The following TEX2 variants were observed in gnomAD, a reference collection of about 807,000 sequenced individuals.
TEX2 encodes testis-expressed protein 2.
Under a neutral mutation model 106.9 loss-of-function variants are expected in TEX2, and 53 were observed. That is an observed-to-expected ratio of 0.50 (90% CI 0.40 to 0.62). The LOEUF (loss-of-function observed/expected upper bound fraction) is 0.62. Ranked by LOEUF, TEX2 falls within the 20% of genes least tolerant of loss-of-function variation. TEX2 has a pLI of 0.00. For missense variants in TEX2, 1,207 were observed against 1,379.0 expected (o/e 0.88, Z 1.98); for synonymous variants, 523 against 534.8 (o/e 0.98, Z 0.30).
chr17:64,231,132 A>G (rs2033645167), intron 1 of TEX2, among the ~76,000 whole-genome samples: 1 of 152,200 alleles, frequency 6.6e-6, no homozygotes, highest in Non-Finnish European at 1.5e-5. Flanking sequence ...GCACCAGAGG[A>G]CAGGCATCAA....
At chr17:64,212,143 C>G (rs2033020379) in intron 2 of TEX2, among the ~76,000 whole-genome samples, 2 of 152,220 alleles carry the variant, frequency 1.3e-5, no homozygotes, top group Admixed American at 1.3e-4. Context: ...GGAGCACCAG[C>G]AGGGGCCAAC....
In TEX2 at chr17:64,216,340, T is replaced by G. The variant is rs188748937; in HGVS notation, c.-25-2098A>C. 3.3e-5 allele frequency among the ~76,000 whole-genome samples: 5 copies of G among 152,338 alleles called. No individual in the cohort carries two copies. The East Asian group carries it at 9.6e-4, about 29-fold the overall frequency. On this transcript the variant is annotated intron_variant, in intron 1 of 11. Transcript: ENST00000584379. ...TAAAAAGAAAATTATAGAGGTAATT[T>G]AAAAAGAAAAGTTTGGTATTTGATA...
chr17:64,234,361 G>A (rs2033721813), intron 1 of TEX2, among the ~76,000 whole-genome samples: 1 of 152,196 alleles, frequency 6.6e-6, no homozygotes, highest in African/African-American at 2.4e-5. Flanking sequence ...GCAGTATCCT[G>A]TCTTTCCAGA....
chr17:64,215,106 T>C (rs1331718136), intron 1 of TEX2, among the ~76,000 whole-genome samples: 1 of 152,178 alleles, frequency 6.6e-6, no homozygotes, highest in Non-Finnish European at 1.5e-5. Flanking sequence ...TTCTGGAGCT[T>C]AGCTGGAACG....
At chr17:64,200,514 C>A (rs1297270419) in intron 2 of TEX2, among the ~76,000 whole-genome samples, 6 of 152,220 alleles carry the variant, frequency 3.9e-5, no homozygotes, top group African/African-American at 1.4e-4. Context: ...TGTGTGCTCG[C>A]TCACACATGG....
At chr17:64,194,741 C>T (rs888049345) in intron 3 of TEX2, among the ~76,000 whole-genome samples, 154 bp downstream of exon 3, 8 of 152,160 alleles carry the variant, frequency 5.3e-5, no homozygotes, top group Non-Finnish European at 1.5e-5. Context: ...AGGTGATGTG[C>T]ATAAACTTTA....
At chr17:64,247,493 T>C (rs1305908857) in intron 1 of TEX2, among the ~76,000 whole-genome samples, 6 of 151,762 alleles carry the variant, frequency 4.0e-5, no homozygotes, top group African/African-American at 1.4e-4. Context: ...TCAAAGGTCT[T>C]CTAGGATTTG....
chr17:64,228,612 G>A (rs1473021703), intron 1 of TEX2, among the ~76,000 whole-genome samples: 2 of 152,172 alleles, frequency 1.3e-5, no homozygotes, highest in Non-Finnish European at 2.9e-5. Flanking sequence ...TCATGCGAGG[G>A]ATGGAAAGGG....
intron 1 of TEX2, among the ~76,000 whole-genome samples, chr17:64,258,749 T>C (rs2034232679): frequency 7.3e-6 from 1 of 137,026 alleles, no homozygotes; most frequent in African/African-American, 2.7e-5. Flanking sequence ...CAACTCTTCA[T>C]TTTGGAAGAG....
rs527622157 is a variant in TEX2, at chr17:64,195,589, T to C, written c.1645-494A>G. Among the ~76,000 whole-genome samples the C allele has an allele frequency of 6.6e-6, 1 of 152,356 alleles. No homozygotes were observed. Among genetic ancestry groups the C allele is most frequent in the South Asian group, 2.1e-4 (1 of 4,830 alleles). ...TCCACTTCTGTTGCACTACAATATG[T>C]ACCTCATTGAAACCATGCAGTAAAG... is the stretch of plus-strand genomic sequence containing the variant. On this transcript the variant is annotated intron_variant, in intron 2 of 11. Coordinates refer to ENST00000584379, the MANE Select transcript of TEX2 (RefSeq NM_001288732.2). This position sits in a 1 kb window ranked among gnomAD's most constrained non-coding sequence, Gnocchi z 4.1.
chr17:64,196,697 G>A (rs531752538), intron 2 of TEX2, among the ~76,000 whole-genome samples: 1 of 152,318 alleles, frequency 6.6e-6, no homozygotes, highest in South Asian at 2.1e-4. Context: ...TTTGCTAAAT[G>A]TAGAACTAAG....
intron 5 of TEX2, among the ~76,000 whole-genome samples, chr17:64,181,720 TAGTC>T (rs2031872674): frequency 6.6e-6 from 1 of 151,800 alleles, no homozygotes; most frequent in Non-Finnish European, 1.5e-5. Context: ...TTCTCCATGG[TAGTC>T]AGGCTGGTCT....
Position 64,215,967 on chromosome 17 carries a change from C to T in TEX2, c.-25-1725G>A, listed in dbSNP as rs564333984. On this transcript the variant is annotated intron_variant, in intron 1 of 11. Coordinates refer to ENST00000584379, the MANE Select transcript of TEX2 (RefSeq NM_001288732.2). The stretch of plus-strand genomic sequence containing the variant: ...AATATTCCAAGGATGACAAGAATTA[C>T]ATTCAAGGGCCCAGCTGCAACATGG... 8.1e-4 allele frequency among the ~76,000 whole-genome samples: 124 copies of T among 152,316 alleles called. 5 individuals are homozygous for T. The South Asian group carries it at 0.025, about 31-fold the overall frequency.
At chr17:64,190,386 T>C (rs2032251211) in intron 4 of TEX2, among the ~76,000 whole-genome samples, 1 of 151,822 alleles carries the variant, frequency 6.6e-6, no homozygotes, top group Admixed American at 6.6e-5. Flanking sequence ...TAGTTAATAG[T>C]AAAAAAGAGA....
chr17:64,216,041 T>A (rs1372565042), intron 1 of TEX2, among the ~76,000 whole-genome samples: 1 of 152,214 alleles, frequency 6.6e-6, no homozygotes, highest in Non-Finnish European at 1.5e-5. Context: ...TGAGAGAAGT[T>A]ACCGTAAAAA....
chr17:64,252,613 G>C (rs1490350214), intron 1 of TEX2, among the ~76,000 whole-genome samples: 1 of 152,138 alleles, frequency 6.6e-6, no homozygotes, highest in Non-Finnish European at 1.5e-5. Flanking sequence ...ACTGTGCTCA[G>C]CCATATAACC....
rs116652389 is a variant in TEX2, at chr17:64,239,016, T to C, written c.-26+24152A>G. On this transcript the variant is annotated intron_variant, in intron 1 of 11. Coordinates refer to ENST00000584379, the MANE Select transcript of TEX2 (RefSeq NM_001288732.2). ...ACTTCAAGACACCCCTCATTTAATC[T>C]TCATGGCCCTATGAGGCAAGAATTA... 1,022 of 152,298 alleles carry C rather than the reference T, an allele frequency of 6.7e-3. 9 individuals are homozygous for C. Among genetic ancestry groups the C allele is most frequent in the African/African-American group, 0.024 (982 of 41,564 alleles). 9.4% of individuals were successfully genotyped at this position (152,298 alleles called of 1,614,324 possible). A position where few individuals can be genotyped will look rare whatever the true frequency, so the allele number is the denominator to read the frequency against.
intron 1 of TEX2, among the ~76,000 whole-genome samples, chr17:64,257,688 T>C (rs1283007062): frequency 6.6e-6 from 1 of 152,210 alleles, no homozygotes; most frequent in Non-Finnish European, 1.5e-5. Flanking sequence ...GTTCTTGTGT[T>C]CAAGTAACGC....
chr17:64,252,568 A>G (rs2034112285), intron 1 of TEX2, among the ~76,000 whole-genome samples: 1 of 152,036 alleles, frequency 6.6e-6, no homozygotes, highest in Non-Finnish European at 1.5e-5. Flanking sequence ...CTCCCACCCT[A>G]GCCTCCCAAA....
Sources: allele counts gnomAD v4.1 joint callset (sites outside exome capture counted in the v4.1 genomes callset), GRCh38; gene constraint gnomAD v4.1.1; non-coding constraint Gnocchi (gnomAD v3.1); transcripts MANE v1.5; gene names NCBI Gene and HGNC (gene_info 2026-07-23, HGNC 2026-07-21).